The following PLOD2 variants were observed in gnomAD, a reference collection of about 807,000 sequenced individuals.
PLOD2 encodes the protein procollagen-lysine,2-oxoglutarate 5-dioxygenase 2, also known as lysine hydroxylase 2.
Under a neutral mutation model 101.0 loss-of-function variants are expected in PLOD2, and 65 were observed. That is an observed-to-expected ratio of 0.64 (90% CI 0.53 to 0.79). The LOEUF (loss-of-function observed/expected upper bound fraction) is 0.79, where lower values mean the gene tolerates loss of function less well. PLOD2 is among the 30% of genes least tolerant of loss of function. The pLI, the probability that PLOD2 is intolerant of heterozygous loss-of-function variation, is 0.00. For missense variants in PLOD2, 909 were observed against 914.6 expected (o/e 0.99, Z 0.08); for synonymous variants, 314 against 302.9 (o/e 1.04, Z -0.38).
chr3:146,081,103 T>C (rs1183830957), intron 12 of PLOD2, among the ~76,000 whole-genome samples: 1 of 152,158 alleles, frequency 6.6e-6, no homozygotes, highest in African/African-American at 2.4e-5. Flanking sequence ...AAGAATGACA[T>C]TCTTCTCCAA....
In PLOD2 at chr3:146,109,234, T is replaced by A. The variant is rs561441000; in HGVS notation, c.502+1051A>T. On this transcript the variant is annotated intron_variant, in intron 4 of 19. Coordinates refer to ENST00000282903, the MANE Select transcript of PLOD2 (RefSeq NM_182943.3). ...AATGGTCAAGAGATCCCAGAAAGCA[T>A]TATCTGTAGAAATATTGAGACGAAG... 9.3e-4 allele frequency among the ~76,000 whole-genome samples: 142 copies of A among 152,288 alleles called. 1 individual carries two copies. The highest frequency in any genetic ancestry group is 1.6e-3 in the Non-Finnish European group (110 of 68,022).
intron 1 of PLOD2, among the ~76,000 whole-genome samples, chr3:146,124,772 G>A (rs1487392675): frequency 6.6e-6 from 1 of 152,014 alleles, no homozygotes; most frequent in Non-Finnish European, 1.5e-5. Context: ...TCCTATCCGG[G>A]ATTGCTTTTT....
chr3:146,089,528 T>A (rs1258882012), intron 8 of PLOD2, among the ~76,000 whole-genome samples: 8 of 151,634 alleles, frequency 5.3e-5, no homozygotes, highest in Admixed American at 5.3e-4. Context: ...TAAAGCCATG[T>A]CTTAAAGTCT....
intron 6 of PLOD2, 127 bp from the exon 7 acceptor site, chr3:146,102,979 A>C: frequency 1.6e-6 from 1 of 631,916 alleles, no homozygotes. Context: ...TAATATTCCA[A>C]GTGCTACAAC....
At chr3:146,114,285 C>T (rs916089771) in intron 3 of PLOD2, among the ~76,000 whole-genome samples, 2 of 151,490 alleles carry the variant, frequency 1.3e-5, no homozygotes, top group Non-Finnish European at 2.9e-5. Flanking sequence ...TCATACACTG[C>T]CTCCCCTTTG....
intron 5 of PLOD2, among the ~76,000 whole-genome samples, chr3:146,106,113 T>C (rs9852153): frequency 0.47 from 71,036 of 152,104 alleles, 16,727 homozygotes; most frequent in East Asian, 0.56. Context: ...TTTGATAATG[T>C]AACCTATTCT....
chr3:146,102,792 GT>G lies in PLOD2; in HGVS notation c.739del (p.Thr247HisfsTer16). On this transcript the variant is annotated frameshift_variant, in exon 7 of 20. Transcript: ENST00000282903. LOFTEE classifies it high-confidence loss of function. ...KARAKNTFYE[T>X]LPVAINGNGP... ...ATTTCCATTAATTGCCACTGGTAAT[GT>G]TTCATAAAATGTATTCTTAGCTCTG... is the stretch of plus-strand genomic sequence containing the variant. The G allele has an allele frequency of 6.2e-7, 1 of 1,605,594 alleles. No homozygotes were observed. Among genetic ancestry groups the G allele is most frequent in the Admixed American group, 1.7e-5 (1 of 59,996 alleles).
chr3:146,137,967 G>A (rs888519978), intron 1 of PLOD2, among the ~76,000 whole-genome samples: 1 of 152,150 alleles, frequency 6.6e-6, no homozygotes, highest in African/African-American at 2.4e-5. Context: ...AGTTAAGTGG[G>A]TCTCAAAGAC....
intron 1 of PLOD2, among the ~76,000 whole-genome samples, chr3:146,126,362 T>G (rs1219466820): frequency 2.7e-5 from 4 of 147,254 alleles, no homozygotes; most frequent in African/African-American, 7.6e-5. Flanking sequence ...AGAAAAAAAA[T>G]AGTGTTGACA....
At chr3:146,093,565 T>G (rs1559844103) in intron 7 of PLOD2, among the ~76,000 whole-genome samples, 1 of 152,202 alleles carries the variant, frequency 6.6e-6, no homozygotes, top group East Asian at 1.9e-4. Context: ...TATCCCCTAT[T>G]TAGCATTATT....
chr3:146,155,824 G>C (rs1457531831), intron 1 of PLOD2, among the ~76,000 whole-genome samples: 1 of 151,644 alleles, frequency 6.6e-6, no homozygotes, highest in Non-Finnish European at 1.5e-5. Flanking sequence ...AAATTAAAAA[G>C]AATATGTCAT....
chr3:146,153,704 T>C (rs1180934953), intron 1 of PLOD2, among the ~76,000 whole-genome samples: 1 of 152,054 alleles, frequency 6.6e-6, no homozygotes, highest in Non-Finnish European at 1.5e-5. Context: ...GCATGATGCA[T>C]ATTCAGTATC....
At chr3:146,147,589 C>T (rs926741680) in intron 1 of PLOD2, among the ~76,000 whole-genome samples, 2 of 151,934 alleles carry the variant, frequency 1.3e-5, no homozygotes, top group African/African-American at 2.4e-5. Flanking sequence ...TAGCAGGGTC[C>T]CTGGACTCAA....
At chr3:146,080,094 A>T (rs1936482946) in intron 12 of PLOD2, among the ~76,000 whole-genome samples, 2 of 151,944 alleles carry the variant, frequency 1.3e-5, no homozygotes, top group African/African-American at 4.8e-5. Context: ...CGGAAATATG[A>T]TATTATGTCT....
At chr3:146,105,754 G>A (rs959421530) in intron 5 of PLOD2, among the ~76,000 whole-genome samples, 10 of 152,168 alleles carry the variant, frequency 6.6e-5, no homozygotes, top group Non-Finnish European at 1.3e-4. Context: ...CACAGACTAT[G>A]TGGTCTCAGT....
intron 4 of PLOD2, among the ~76,000 whole-genome samples, chr3:146,107,262 A>G (rs1211081800): frequency 6.6e-6 from 1 of 152,226 alleles, no homozygotes; most frequent in Non-Finnish European, 1.5e-5. Flanking sequence ...AGTCTGGAAA[A>G]AGGAAGTCTA....
At chr3:146,080,123 G>T (rs1936483689) in intron 12 of PLOD2, among the ~76,000 whole-genome samples, 1 of 151,958 alleles carries the variant, frequency 6.6e-6, no homozygotes, top group African/African-American at 2.4e-5. Flanking sequence ...TAGCCTCAAA[G>T]AAAAATGCCT....
intron 3 of PLOD2, 51 bp downstream of exon 3, chr3:146,121,061 T>C (rs780809961): frequency 1.5e-6 from 2 of 1,372,748 alleles, no homozygotes; most frequent in Non-Finnish European, 2.1e-6. Flanking sequence ...TCTCAGCTCT[T>C]TAAAAAGTAA....
At chr3:146,108,262 C>T (rs1303856773) in intron 4 of PLOD2, among the ~76,000 whole-genome samples, 1 of 152,090 alleles carries the variant, frequency 6.6e-6, no homozygotes, top group Non-Finnish European at 1.5e-5. Flanking sequence ...CTCACTGCAG[C>T]CTCGACCTCC....
Sources: allele counts gnomAD v4.1 joint callset (sites outside exome capture counted in the v4.1 genomes callset), GRCh38; gene constraint gnomAD v4.1.1; transcripts MANE v1.5; gene names NCBI Gene and HGNC (gene_info 2026-07-23, HGNC 2026-07-21).